The following FAM171A1 variants were observed in gnomAD, a reference collection of about 807,000 sequenced individuals.
FAM171A1 encodes protein FAM171A1.
In FAM171A1, 23 loss-of-function variants were observed where a neutral mutation model predicts 74.9. The ratio of observed to expected loss-of-function variants is 0.31; its 90% CI spans 0.22 to 0.44. FAM171A1 has a LOEUF of 0.44. Ranked by LOEUF, FAM171A1 falls within the 20% of genes least tolerant of loss-of-function variation. The pLI, the probability that FAM171A1 is intolerant of heterozygous loss-of-function variation, is 1.00. For missense variants in FAM171A1, 1,162 were observed against 1,159.2 expected (o/e 1.00, Z -0.03); for synonymous variants, 527 against 505.7 (o/e 1.04, Z -0.57).
rs1057344784 is a variant in FAM171A1, at chr10:15,338,079, C to A, written c.97+32877G>T. Among the ~76,000 whole-genome samples, 3 of 152,148 alleles carry A rather than the reference C, an allele frequency of 2.0e-5. No homozygotes were observed. The South Asian group carries it at 6.2e-4, about 31-fold the overall frequency. ...GCATACTACAAATGGCCCAATTAAACGCCTTTCACTTTGGAAACCTGAGGT... is the reference window on the plus strand; with the variant it reads ...GCATACTACAAATGGCCCAATTAAAAGCCTTTCACTTTGGAAACCTGAGGT... On this transcript the variant is annotated intron_variant, in intron 1 of 7. Coordinates refer to ENST00000378116, the MANE Select transcript of FAM171A1 (RefSeq NM_001010924.2).
Position 15,254,745 on chromosome 10 carries a change from G to T in FAM171A1, c.553C>A (p.Arg185=). 1 of 1,614,034 alleles carries T rather than the reference G, an allele frequency of 6.2e-7. No individual in the cohort carries two copies. The highest frequency in any genetic ancestry group is 8.5e-7 in the Non-Finnish European group (1 of 1,179,978). Residue 185 remains arginine (R), a synonymous_variant, in exon 4 of 8, where the codon CGA becomes AGA. Coordinates refer to ENST00000378116, the MANE Select transcript of FAM171A1 (RefSeq NM_001010924.2). ...CCTGTTCCATTTCCGTCTAATCCTC[G>T]CAAATAAGGAAAACTGTCCACCTCC... ...PSEVDSFPYL[R]GLDGNGTGNS...
intron 1 of FAM171A1, among the ~76,000 whole-genome samples, chr10:15,370,003 A>C (rs1442783989): frequency 3.9e-5 from 6 of 152,150 alleles, no homozygotes; most frequent in Admixed American, 3.9e-4. Context: ...GGCCCTTTTG[A>C]AAACGCCAGC....
At chr10:15,334,673 G>C (rs1326370292) in intron 1 of FAM171A1, among the ~76,000 whole-genome samples, 1 of 152,138 alleles carries the variant, frequency 6.6e-6, no homozygotes, top group African/African-American at 2.4e-5. Flanking sequence ...TCCTTTTCTT[G>C]GAGGTGGCAC....
intron 1 of FAM171A1, among the ~76,000 whole-genome samples, chr10:15,320,143 T>C (rs1055042951): frequency 6.6e-6 from 1 of 152,130 alleles, no homozygotes; most frequent in Non-Finnish European, 1.5e-5. Context: ...CACTCTCAAG[T>C]AGGCCCCGGT....
chr10:15,300,608 A>C (rs9804189), intron 1 of FAM171A1, among the ~76,000 whole-genome samples: 86,420 of 120,956 alleles, frequency 0.71, 28,702 homozygotes, highest in East Asian at 0.87. Flanking sequence ...CCCACCCCCC[A>C]AAAAAAATAA....
At chr10:15,331,508 C>T (rs943756142) in intron 1 of FAM171A1, among the ~76,000 whole-genome samples, 22 of 152,120 alleles carry the variant, frequency 1.4e-4, no homozygotes, top group Middle Eastern at 3.4e-3. Flanking sequence ...TTTCTGAGAC[C>T]TTATACAAGG....
chr10:15,276,214 G>A (rs112155547), intron 2 of FAM171A1, among the ~76,000 whole-genome samples: 1 of 150,590 alleles, frequency 6.6e-6, no homozygotes, highest in South Asian at 2.1e-4. Context: ...ACGGACTCTC[G>A]CTTGTCACCA....
intron 1 of FAM171A1, among the ~76,000 whole-genome samples, chr10:15,345,627 G>T (rs540436239): frequency 6.6e-6 from 1 of 152,266 alleles, no homozygotes; most frequent in African/African-American, 2.4e-5. Flanking sequence ...ATAGCCTTGG[G>T]CATCCATCCA....
chr10:15,334,651 G>A (rs1835679768), intron 1 of FAM171A1, among the ~76,000 whole-genome samples: 1 of 152,148 alleles, frequency 6.6e-6, no homozygotes, highest in African/African-American at 2.4e-5. Flanking sequence ...GGGACCCTGA[G>A]TTAAACAAAG....
chr10:15,219,676 G>A (rs1224844351), intron 6 of FAM171A1, among the ~76,000 whole-genome samples: 1 of 152,156 alleles, frequency 6.6e-6, no homozygotes, highest in Non-Finnish European at 1.5e-5. Context: ...CTGCCTCCTG[G>A]GTTCAAGCGA....
intron 2 of FAM171A1, among the ~76,000 whole-genome samples, chr10:15,277,315 T>A (rs1259532144): frequency 6.6e-6 from 1 of 152,128 alleles, no homozygotes; most frequent in African/African-American, 2.4e-5. Flanking sequence ...CCTCGCAGGT[T>A]CAAGTGATTC....
At chr10:15,326,459 T>C (rs1036150427) in intron 1 of FAM171A1, among the ~76,000 whole-genome samples, 2 of 151,712 alleles carry the variant, frequency 1.3e-5, no homozygotes, top group African/African-American at 4.8e-5. Context: ...GGAATACAGG[T>C]GTGAGCCACT....
chr10:15,235,502 T>C (rs10906869), intron 5 of FAM171A1, among the ~76,000 whole-genome samples: 21,308 of 151,976 alleles, frequency 0.14, 1,574 homozygotes, highest in Middle Eastern at 0.18. Context: ...ATTCTTCCAC[T>C]ACCTTTCTCA....
At chr10:15,326,457 G>C (rs1222148763) in intron 1 of FAM171A1, among the ~76,000 whole-genome samples, 1 of 151,964 alleles carries the variant, frequency 6.6e-6, no homozygotes, top group Non-Finnish European at 1.5e-5. Flanking sequence ...TGGGAATACA[G>C]GTGTGAGCCA....
In FAM171A1 at chr10:15,303,372, C is replaced by T. The variant is rs1235515491; in HGVS notation, c.98-19267G>A. On this transcript the variant is annotated intron_variant, in intron 1 of 7. Transcript: ENST00000378116. ...ATAACTACTTTGAACAGCGCAGCAC[C>T]GTTCCTGGTGATTTTTTTCCGTAGT... Among the ~76,000 whole-genome samples, 6 of 152,130 alleles carry T rather than the reference C, an allele frequency of 3.9e-5. No individual in the cohort carries two copies. In the East Asian group the frequency reaches 5.8e-4, roughly 15 times the overall value.
Position 15,342,308 on chromosome 10 carries a change from G to A in FAM171A1, c.97+28648C>T, listed in dbSNP as rs557675923. On this transcript the variant is annotated intron_variant, in intron 1 of 7. Coordinates refer to ENST00000378116, the MANE Select transcript of FAM171A1 (RefSeq NM_001010924.2). ...TTGCTGGCCAGGTGTGGTGGCTCAC[G>A]CCTGTAATCCCAGCACTTTGGGAAG... Among the ~76,000 whole-genome samples the A allele has an allele frequency of 2.0e-4, 31 of 152,302 alleles. No individual in the cohort carries two copies. In the South Asian group the frequency reaches 6.4e-3, roughly 32 times the overall value.
At position 15,214,437 on chromosome 10, in the gene FAM171A1, C is replaced by T. The variant is rs751001284; in HGVS notation, c.1151G>A (p.Arg384His). Reference sequence around the variant, plus strand: ...TTCCTTCGTGCCGGGGGCCTCGGGGCGGCCGTGGCTGGTGACGGACAGCGG... The same window carrying T: ...TTCCTTCGTGCCGGGGGCCTCGGGGTGGCCGTGGCTGGTGACGGACAGCGG... ...PGPLSVTSHG[R>H]PEAPGTKELM... The change falls in exon 8 of 8, where the codon CGC becomes CAC. Residue 384 changes from arginine (R) to histidine (H), a missense_variant. Transcript: ENST00000378116. 12 of 1,613,960 alleles carry T rather than the reference C, an allele frequency of 7.4e-6. No individual in the cohort carries two copies. Among genetic ancestry groups the T allele is most frequent in the Admixed American group, 1.7e-5 (1 of 59,984 alleles).
intron 2 of FAM171A1, among the ~76,000 whole-genome samples, chr10:15,281,108 T>C (rs748354576): frequency 7.2e-5 from 11 of 152,140 alleles, no homozygotes; most frequent in Non-Finnish European, 1.6e-4. Flanking sequence ...TTTCAAGGTG[T>C]GTAGCACCTC....
intron 3 of FAM171A1, among the ~76,000 whole-genome samples, chr10:15,272,121 G>A (rs1047969218): frequency 6.6e-6 from 1 of 152,168 alleles, no homozygotes; most frequent in Admixed American, 6.5e-5. Context: ...ACCCATCAGT[G>A]TGCTGTATTC....
Sources: allele counts gnomAD v4.1 joint callset (sites outside exome capture counted in the v4.1 genomes callset), GRCh38; gene constraint gnomAD v4.1.1; transcripts MANE v1.5; gene names NCBI Gene and HGNC (gene_info 2026-07-23, HGNC 2026-07-21).